Variants in COL13A1 observed in about 807,000 individuals in gnomAD.
The protein encoded by COL13A1 is collagen alpha-1(XIII) chain.
A neutral mutation model predicts 130.9 loss-of-function variants in COL13A1; 89 were observed. That is an observed-to-expected ratio of 0.68 (90% CI 0.57 to 0.81). The LOEUF (loss-of-function observed/expected upper bound fraction) is 0.81. Ranked by LOEUF, COL13A1 falls within the 30% of genes least tolerant of loss-of-function variation. The probability of loss-of-function intolerance (pLI) is 0.00; values close to 1 mark genes in which losing one functional copy is unlikely to be tolerated. For synonymous variants in COL13A1, 402 were observed against 341.6 expected (o/e 1.18, Z -1.95); for missense variants, 879 against 934.6 (o/e 0.94, Z 0.78).
intron 1 of COL13A1, among the ~76,000 whole-genome samples, chr10:69,810,347 T>TGAGAGAGAGAGA (rs55816117): frequency 1.2e-4 from 14 of 119,700 alleles, no homozygotes; most frequent in Admixed American, 2.8e-4. Flanking sequence ...GCCCTGAGAA[T>TGAGAGAGAGAGA]GAGAGAGAGA....
At chr10:69,948,461 G>T (rs961760555) in intron 38 of COL13A1, among the ~76,000 whole-genome samples, 4 of 152,134 alleles carry the variant, frequency 2.6e-5, no homozygotes, top group African/African-American at 9.7e-5. Flanking sequence ...GGGAGCAGCA[G>T]CGCCACCCCT....
chr10:69,878,629 G>C (rs141322617), intron 6 of COL13A1, among the ~76,000 whole-genome samples: 5,615 of 152,286 alleles, frequency 0.037, 130 homozygotes, highest in Non-Finnish European at 0.057. Context: ...TTATAGGCCT[G>C]TGCCACCACA....
chr10:69,838,509 G>T (rs541842590), intron 2 of COL13A1, among the ~76,000 whole-genome samples: 2 of 152,342 alleles, frequency 1.3e-5, no homozygotes, highest in African/African-American at 4.8e-5. Context: ...ACCTGGCATG[G>T]GGAGGAGTTT....
intron 10 of COL13A1, among the ~76,000 whole-genome samples, chr10:69,891,324 A>G (rs934440605): frequency 6.6e-6 from 1 of 152,266 alleles, no homozygotes; most frequent in African/African-American, 2.4e-5. Context: ...CTAGTGCCTG[A>G]AGAATGAGCA....
rs1403312102 is a variant in COL13A1, at chr10:69,923,822, C to T, written c.1251C>T (p.Gly417=). The T allele has an allele frequency of 1.2e-6, 2 of 1,611,510 alleles. No individual in the cohort carries two copies. Among genetic ancestry groups the T allele is most frequent in the Admixed American group, 3.3e-5 (2 of 59,734 alleles). The part of the protein sequence containing the change: ...PGPKGEAGVD[G]QVGPPGQPGD... Reference sequence around the variant, plus strand: ...CCCAGGGAGAAGCAGGTGTCGATGGCCAGGTTGGCCCCCCAGGGCAGCCAG... The same window carrying T: ...CCCAGGGAGAAGCAGGTGTCGATGGTCAGGTTGGCCCCCCAGGGCAGCCAG... Residue 417 remains glycine (G), a synonymous_variant, in exon 24 of 41, where the codon GGC becomes GGT. Transcript: ENST00000645393.
chr10:69,950,388 T>A (rs2069330943), intron 38 of COL13A1, among the ~76,000 whole-genome samples: 1 of 152,144 alleles, frequency 6.6e-6, no homozygotes, highest in Non-Finnish European at 1.5e-5. Context: ...TTGCACAGGT[T>A]CTTAGAACAC....
intron 38 of COL13A1, among the ~76,000 whole-genome samples, chr10:69,951,620 C>A (rs1245225207): frequency 6.6e-6 from 1 of 152,188 alleles, no homozygotes. Flanking sequence ...CTGCCTTGGC[C>A]TCCCAAAATG....
At chr10:69,847,995 C>T (rs759611150) in intron 2 of COL13A1, among the ~76,000 whole-genome samples, 19 of 152,232 alleles carry the variant, frequency 1.2e-4, no homozygotes, top group Admixed American at 2.6e-4. Context: ...CCCTTCTTGC[C>T]CCCTGGCCCA....
At chr10:69,803,741 C>T (rs893489215) in intron 1 of COL13A1, among the ~76,000 whole-genome samples, 1 of 151,374 alleles carries the variant, frequency 6.6e-6, no homozygotes, top group African/African-American at 2.4e-5. Flanking sequence ...TAGAGGCCAG[C>T]AACCCTGGGT....
intron 37 of COL13A1, among the ~76,000 whole-genome samples, chr10:69,946,297 C>G (rs910241949): frequency 6.6e-6 from 1 of 152,234 alleles, no homozygotes; most frequent in Non-Finnish European, 1.5e-5. Flanking sequence ...TTAAGTGCAG[C>G]CTGCCCTCAG....
chr10:69,945,883 C>T (rs532602614), intron 37 of COL13A1, among the ~76,000 whole-genome samples, 159 bp downstream of exon 37: 19 of 152,182 alleles, frequency 1.2e-4, no homozygotes, highest in Admixed American at 2.0e-4. Context: ...CTATCCTGGC[C>T]AACACGGTGA....
At chr10:69,932,046 C>G (rs2066189770) in intron 30 of COL13A1, among the ~76,000 whole-genome samples, 1 of 152,000 alleles carries the variant, frequency 6.6e-6, no homozygotes, top group African/African-American at 2.4e-5. Context: ...GCGCCCCTGC[C>G]CTCCCCACCT....
intron 27 of COL13A1, among the ~76,000 whole-genome samples, chr10:69,928,277 G>C (rs776204345): frequency 6.6e-5 from 10 of 152,122 alleles, no homozygotes; most frequent in African/African-American, 9.7e-5. Context: ...TGTAGAGTTT[G>C]ATGAGTTTTG....
intron 2 of COL13A1, among the ~76,000 whole-genome samples, chr10:69,861,418 C>T (rs940349205): frequency 6.6e-6 from 1 of 152,100 alleles, no homozygotes; most frequent in African/African-American, 2.4e-5. Context: ...CCTGTCCCTT[C>T]CTTGCTCGTA....
intron 4 of COL13A1, among the ~76,000 whole-genome samples, chr10:69,872,955 A>G (rs1304449389): frequency 3.9e-5 from 6 of 152,016 alleles, no homozygotes; most frequent in African/African-American, 1.2e-4. Context: ...CACCTTCAAA[A>G]CCCACCTTTA....
At chr10:69,916,472 G>A in intron 17 of COL13A1, among the ~76,000 whole-genome samples, 1 of 152,224 alleles carries the variant, frequency 6.6e-6, no homozygotes. Context: ...GCCGATGATA[G>A]TCCTGACTCA....
At chr10:69,822,102 T>G (rs1020851920) in intron 1 of COL13A1, among the ~76,000 whole-genome samples, 40 of 152,146 alleles carry the variant, frequency 2.6e-4, no homozygotes, top group Non-Finnish European at 5.6e-4. Flanking sequence ...TGCAACTGGT[T>G]TATAGGATCC....
intron 17 of COL13A1, among the ~76,000 whole-genome samples, chr10:69,915,638 A>G (rs2063837648): frequency 6.6e-6 from 1 of 152,232 alleles, no homozygotes; most frequent in Non-Finnish European, 1.5e-5. Context: ...CCCATCAAAC[A>G]GCCTCTGCAG....
At chr10:69,935,965 G>A (rs1247581474) in intron 32 of COL13A1, among the ~76,000 whole-genome samples, 2 of 150,892 alleles carry the variant, frequency 1.3e-5, no homozygotes, top group Non-Finnish European at 3.0e-5. Flanking sequence ...GAGCCAAGAT[G>A]GCACCACTGC....
Sources: gnomAD v4.1 joint callset for allele counts (sites outside exome capture counted in the v4.1 genomes callset) on GRCh38, gnomAD v4.1.1 for gene constraint, MANE v1.5 for transcripts, NCBI Gene and HGNC (gene_info 2026-07-23, HGNC 2026-07-21) for gene names.